Variants in QTMAN observed in about 807,000 individuals in gnomAD.
QTMAN encodes the protein queuosine-tRNA mannosyltransferase, also known as tRNA-queuosine alpha-mannosyltransferase.
At chr2:144,332,372 A>AG in the QTMAN span, 1 of 147,664 alleles carries the variant, frequency 6.8e-6, no homozygotes, top group African/African-American at 2.5e-5. Flanking sequence ...CGGGGAGGGG[A>AG]GGGGAGGGGC....
At chr2:144,328,092 A>G in the QTMAN span, among the ~76,000 whole-genome samples, 1 of 152,190 alleles carries the variant, frequency 6.6e-6, no homozygotes, top group African/African-American at 2.4e-5. Flanking sequence ...CTGGGAATGC[A>G]GGCACGTGCC....
At chr2:144,220,589 T>A in the QTMAN span, among the ~76,000 whole-genome samples, 1 of 152,234 alleles carries the variant, frequency 6.6e-6, no homozygotes, top group African/African-American at 2.4e-5. Context: ...CACTGCATCC[T>A]CACCATCTCT....
chr2:143,958,253 G>A, the QTMAN span, among the ~76,000 whole-genome samples: 2 of 151,852 alleles, frequency 1.3e-5, no homozygotes, highest in Non-Finnish European at 2.9e-5. Context: ...AACTATCAAC[G>A]GGGATTTATT....
the QTMAN span, among the ~76,000 whole-genome samples, chr2:144,072,113 T>A: frequency 3.3e-5 from 5 of 152,294 alleles, no homozygotes; most frequent in South Asian, 1.0e-3. Flanking sequence ...AAACTCTGGA[T>A]CAGAGAGCAA....
chr2:144,199,561 T>G, the QTMAN span, among the ~76,000 whole-genome samples: 4 of 152,092 alleles, frequency 2.6e-5, no homozygotes, highest in Non-Finnish European at 1.5e-5. Context: ...TCTGAACAAA[T>G]AAGAAGTCAT....
the QTMAN span, among the ~76,000 whole-genome samples, chr2:144,214,052 A>G: frequency 6.6e-6 from 1 of 152,336 alleles, no homozygotes; most frequent in East Asian, 1.9e-4. Context: ...AGTTGTTAAA[A>G]TATACCTGAA....
chr2:144,235,033 T>G, the QTMAN span, among the ~76,000 whole-genome samples: 1 of 152,168 alleles, frequency 6.6e-6, no homozygotes, highest in African/African-American at 2.4e-5. Context: ...AATGCATTAT[T>G]TTGCTCCTCG....
At chr2:144,105,439 G>A in the QTMAN span, among the ~76,000 whole-genome samples, 45 of 152,296 alleles carry the variant, frequency 3.0e-4, 1 homozygote, top group South Asian at 5.2e-3. Context: ...ACCATGGCAC[G>A]AGAACTACGT....
At chr2:143,973,176 C>T in the QTMAN span, among the ~76,000 whole-genome samples, 1 of 151,768 alleles carries the variant, frequency 6.6e-6, no homozygotes, top group East Asian at 1.9e-4. Flanking sequence ...CACAGTTTCA[C>T]AAAGTCCTGC....
the QTMAN span, among the ~76,000 whole-genome samples, chr2:144,149,290 C>A: frequency 1.3e-5 from 2 of 152,032 alleles, no homozygotes; most frequent in East Asian, 3.9e-4. Context: ...TAATTCCTGA[C>A]AGCTGCTGCT....
At chr2:144,007,301 T>C in the QTMAN span, 1 of 1,613,248 alleles carries the variant, frequency 6.2e-7, no homozygotes, top group African/African-American at 1.3e-5. Flanking sequence ...TTGAATTATC[T>C]GACGAGGTGG....
At chr2:144,249,907 T>C in the QTMAN span, among the ~76,000 whole-genome samples, 1 of 152,134 alleles carries the variant, frequency 6.6e-6, no homozygotes, top group Non-Finnish European at 1.5e-5. Context: ...TCCTCTACAG[T>C]AAGCAAAATA....
chr2:144,053,419 A>G, the QTMAN span, among the ~76,000 whole-genome samples: 1 of 152,212 alleles, frequency 6.6e-6, no homozygotes, highest in African/African-American at 2.4e-5. Context: ...GTTTGGTAAA[A>G]TAATGGCACA....
At chr2:144,328,112 G>A in the QTMAN span, among the ~76,000 whole-genome samples, 1,310 of 152,066 alleles carry the variant, frequency 8.6e-3, 18 homozygotes, top group African/African-American at 0.03. Context: ...CACCATGCCC[G>A]GTTAATTTTT....
chr2:143,989,048 A>T, the QTMAN span, among the ~76,000 whole-genome samples: 1 of 152,056 alleles, frequency 6.6e-6, no homozygotes, highest in Non-Finnish European at 1.5e-5. Flanking sequence ...AGACATTCCT[A>T]CTGATTCACC....
the QTMAN span, among the ~76,000 whole-genome samples, chr2:144,098,847 GAAAAA>G: frequency 1.5e-5 from 2 of 134,418 alleles, no homozygotes; most frequent in East Asian, 4.2e-4. Flanking sequence ...ATTTCTCTTA[GAAAAA>G]AAAAAAAAAA....
At chr2:144,061,111 G>A in the QTMAN span, among the ~76,000 whole-genome samples, 2 of 152,072 alleles carry the variant, frequency 1.3e-5, no homozygotes, top group Non-Finnish European at 2.9e-5. Context: ...CTCAGGAAAA[G>A]TAGGGAAAAT....
chr2:144,280,129 A>G, the QTMAN span, among the ~76,000 whole-genome samples: 3 of 152,344 alleles, frequency 2.0e-5, no homozygotes, highest in South Asian at 6.2e-4. Flanking sequence ...TACTGTTAGC[A>G]GCATAAAAAG....
the QTMAN span, among the ~76,000 whole-genome samples, chr2:144,034,566 T>G: frequency 6.6e-6 from 1 of 152,194 alleles, no homozygotes; most frequent in East Asian, 1.9e-4. Context: ...GTTACCACAC[T>G]TGGATTTACA....
Sources: allele counts gnomAD v4.1 joint callset (sites outside exome capture counted in the v4.1 genomes callset), GRCh38; gene constraint gnomAD v4.1.1; transcripts MANE v1.5; gene names NCBI Gene and HGNC (gene_info 2026-07-23, HGNC 2026-07-21).